KANK1: variants seen among roughly 807,000 people sequenced by gnomAD.
The protein encoded by KANK1 is KN motif and ankyrin repeat domains 1.
In KANK1, 109 loss-of-function variants were observed where a neutral mutation model predicts 106.2. The observed-to-expected ratio is 1.03, with a 90% CI of 0.88 to 1.20. The LOEUF (loss-of-function observed/expected upper bound fraction) is 1.20, where lower values mean the gene tolerates loss of function less well. Among genes scored for constraint, KANK1 ranks in the 50% most tolerant of loss-of-function variants. KANK1 has a pLI of 0.00. For missense variants in KANK1, 2,399 were observed against 1,710.7 expected, an observed-to-expected ratio of 1.40 and a Z score of -7.10; for synonymous variants, 873 against 652.2, an observed-to-expected ratio of 1.34 and a Z score of -5.16.
rs1199021785 is a variant in KANK1, at chr9:474,273, AG to A, written c.-362+1002del. ...AAAATAGTGACATTCCCTGGCTCAGAGGAAATGCTGGTAGGAAAGCCATATG... is the reference window on the plus strand; with the variant it reads ...AAAATAGTGACATTCCCTGGCTCAGAGAAATGCTGGTAGGAAAGCCATATG... On this transcript the variant is annotated intron_variant, in intron 3 of 15. Transcript: ENST00000382303. 5.9e-5 allele frequency among the ~76,000 whole-genome samples: 9 copies of A among 152,326 alleles called. No homozygotes were observed. The East Asian group carries it at 1.7e-3, about 29-fold the overall frequency.
At chr9:733,495 T>G (rs1832862786) in intron 6 of KANK1, 1 of 152,220 alleles carries the variant, frequency 6.6e-6, no homozygotes, top group South Asian at 2.1e-4. Context: ...AAATGTGGGT[T>G]CAGATGTGTG....
chr9:742,449 C>T (rs763738708), intron 10 of KANK1, 44 bp downstream of exon 10: 2 of 1,509,102 alleles, frequency 1.3e-6, no homozygotes, highest in Admixed American at 1.8e-5. Context: ...GTCTGGGGGA[C>T]TCTGGACGGG....
intron 1 of KANK1, among the ~76,000 whole-genome samples, chr9:566,011 C>T (rs1301166822): frequency 2.6e-5 from 4 of 152,290 alleles, no homozygotes; most frequent in South Asian, 4.1e-4. Flanking sequence ...CCTCTGCTTC[C>T]TCCCCAACCT....
Position 497,594 on chromosome 9 carries a change from T to G in KANK1, c.-362+24321T>G, listed in dbSNP as rs141407697. 4.9e-3 allele frequency among the ~76,000 whole-genome samples: 742 copies of G among 152,178 alleles called. 9 individuals carry two copies. Among genetic ancestry groups the G allele is most frequent in the African/African-American group, 0.017 (710 of 41,500 alleles). ...ATATAACCATTTTTTTAAATGAAAT[T>G]AAGGAGAGTATAAATTGGAAGGCTG... On this transcript the variant is annotated intron_variant, in intron 3 of 15. Coordinates refer to the KANK1 transcript ENST00000382303.
intron 3 of KANK1, among the ~76,000 whole-genome samples, chr9:713,717 G>A (rs1826875633): frequency 6.6e-6 from 1 of 152,152 alleles, no homozygotes; most frequent in Non-Finnish European, 1.5e-5. Context: ...GTGTTGGCTG[G>A]CCTAGAGGTT....
intron 10 of KANK1, among the ~76,000 whole-genome samples, chr9:743,776 C>G (rs1283221743): frequency 6.6e-6 from 1 of 152,152 alleles, no homozygotes; most frequent in East Asian, 1.9e-4. Flanking sequence ...GCAGGAGAAT[C>G]ACTTGAGCCC....
intron 3 of KANK1, among the ~76,000 whole-genome samples, chr9:716,982 G>T (rs1408799146): frequency 6.7e-6 from 1 of 149,910 alleles, no homozygotes; most frequent in African/African-American, 2.5e-5. Flanking sequence ...GACCTTGTCT[G>T]TGGGTGGGGG....
intron 7 of KANK1, among the ~76,000 whole-genome samples, chr9:737,025 A>C (rs553072476): frequency 6.6e-6 from 1 of 152,304 alleles, no homozygotes; most frequent in African/African-American, 2.4e-5. Context: ...CATCTTTTTA[A>C]CTGAATTTTC....
At chr9:509,212 C>G (rs1417102591) in intron 1 of KANK1, among the ~76,000 whole-genome samples, 1 of 152,190 alleles carries the variant, frequency 6.6e-6, no homozygotes, top group Non-Finnish European at 1.5e-5. Flanking sequence ...ATTCTCCTGC[C>G]TCAGCCTCCC....
At chr9:629,468 C>T (rs10115825) in intron 1 of KANK1, among the ~76,000 whole-genome samples, 23,570 of 152,184 alleles carry the variant, frequency 0.15, 2,018 homozygotes, top group Admixed American at 0.18. Context: ...ATAAAAGTAG[C>T]TGTTTGCCAT....
intron 1 of KANK1, among the ~76,000 whole-genome samples, chr9:529,609 G>A (rs1236592240): frequency 6.6e-6 from 1 of 152,088 alleles, no homozygotes; most frequent in Admixed American, 6.6e-5. Context: ...ATAGAACCAT[G>A]TGTCTTCAGA....
At chr9:740,534 C>T (rs1835142194) in intron 8 of KANK1, among the ~76,000 whole-genome samples, 1 of 152,182 alleles carries the variant, frequency 6.6e-6, no homozygotes, top group African/African-American at 2.4e-5. Flanking sequence ...GCATTTCAGC[C>T]ACCAGTTGCA....
At chr9:695,251 C>T (rs1334698209) in intron 2 of KANK1, among the ~76,000 whole-genome samples, 1 of 152,026 alleles carries the variant, frequency 6.6e-6, no homozygotes, top group Non-Finnish European at 1.5e-5. Context: ...AGCACTGTGC[C>T]CTGAGGACTT....
At chr9:696,101 G>C (rs540719775) in intron 2 of KANK1, among the ~76,000 whole-genome samples, 84 of 152,216 alleles carry the variant, frequency 5.5e-4, no homozygotes, top group African/African-American at 1.9e-3. Context: ...TGGCTAACAT[G>C]GTGAAACGCC....
chr9:632,407 A>C (rs1404670836), intron 1 of KANK1, among the ~76,000 whole-genome samples: 1 of 152,202 alleles, frequency 6.6e-6, no homozygotes, highest in Non-Finnish European at 1.5e-5. Flanking sequence ...CTTAAAATGA[A>C]AGTTGAATGG....
intron 1 of KANK1, among the ~76,000 whole-genome samples, chr9:620,282 A>C (rs1832833268): frequency 6.6e-6 from 1 of 151,770 alleles, no homozygotes; most frequent in Admixed American, 6.6e-5. Context: ...TTCCTTTCCC[A>C]CCCTGTCTTG....
intron 1 of KANK1, among the ~76,000 whole-genome samples, chr9:523,556 AGTGAACTC>A (rs2059645902): frequency 6.6e-6 from 1 of 151,752 alleles, no homozygotes; most frequent in Non-Finnish European, 1.5e-5. Flanking sequence ...AAGTTTTTAC[AGTGAACTC>A]CATGGCTGTC....
chr9:722,822 C>T (rs1452811311), intron 3 of KANK1, among the ~76,000 whole-genome samples: 1 of 152,122 alleles, frequency 6.6e-6, no homozygotes, highest in Non-Finnish European at 1.5e-5. Flanking sequence ...TCAATGGTCC[C>T]GCACTGTTCT....
Position 730,098 on chromosome 9 carries a change from A to AG in KANK1, c.2747dup (p.Ser916ArgfsTer11). The stretch of plus-strand genomic sequence containing the variant: ...TAAGTGTGGGGGCCTTCAGTCAGGA[A>AG]GTCCCTTAAGCTCCCAGACATCCCA... On this transcript the variant is annotated frameshift_variant, in exon 4 of 12. Transcript: ENST00000382297. LOFTEE classifies it high-confidence loss of function. The AG allele has an allele frequency of 6.2e-7, 1 of 1,614,212 alleles. No homozygotes were observed. The highest frequency in any genetic ancestry group is 8.5e-7 in the Non-Finnish European group (1 of 1,180,026).
Sources: allele counts gnomAD v4.1 joint callset (sites outside exome capture counted in the v4.1 genomes callset), GRCh38; gene constraint gnomAD v4.1.1; transcripts MANE v1.5; gene names NCBI Gene and HGNC (gene_info 2026-07-23, HGNC 2026-07-21).